The following SLC2A8 variants were observed in gnomAD, a reference collection of about 807,000 sequenced individuals.
SLC2A8 encodes the protein solute carrier family 2, facilitated glucose transporter member 8.
A neutral mutation model predicts 49.2 loss-of-function variants in SLC2A8; 53 were observed. The ratio of observed to expected loss-of-function variants is 1.08; its 90% CI spans 0.86 to 1.35. The LOEUF (loss-of-function observed/expected upper bound fraction) is 1.35, where lower values mean the gene tolerates loss of function less well. Among genes scored for constraint, SLC2A8 ranks in the 40% most tolerant of loss-of-function variants. The pLI is 0.00. For missense variants in SLC2A8, 688 were observed against 671.7 expected (o/e 1.02, Z -0.27); for synonymous variants, 299 against 297.0 (o/e 1.01, Z -0.07).
chr9:127,402,774 G>A, intron 5 of SLC2A8, 21 bp downstream of exon 5: 1 of 1,518,070 alleles, frequency 6.6e-7, no homozygotes, highest in Non-Finnish European at 8.8e-7. Context: ...GGAAGGCAGA[G>A]CTGACAGGAG....
chr9:127,400,166 CTTTTT>C (rs796202714), intron 4 of SLC2A8, among the ~76,000 whole-genome samples, 160 bp downstream of exon 4: 1 of 116,830 alleles, frequency 8.6e-6, no homozygotes, highest in Non-Finnish European at 1.7e-5. Flanking sequence ...ATAGGTGAGT[CTTTTT>C]TTTTTTTTTT....
At chr9:127,397,788 C>A in intron 2 of SLC2A8, 117 bp from the exon 3 acceptor site, 1 of 1,175,208 alleles carries the variant, frequency 8.5e-7, no homozygotes, top group Non-Finnish European at 1.1e-6. Flanking sequence ...CCTACCCCTC[C>A]CCTCGGGACG....
chr9:127,405,099 G>T (rs545902765), intron 8 of SLC2A8, 108 bp downstream of exon 8: 7 of 1,252,346 alleles, frequency 5.6e-6, no homozygotes, highest in African/African-American at 4.5e-5. Context: ...CTCTCCTCTC[G>T]TAAGTTCCAA....
Position 127,398,120 on chromosome 9 carries a change from C to A in SLC2A8, c.426+9C>A. Reference sequence around the variant, plus strand: ...CCTCCCTAGTGGCCCCGGTGAGTGTCCCGTCTCTCGAGTGTCCTGTCTCGC... The same window carrying A: ...CCTCCCTAGTGGCCCCGGTGAGTGTACCGTCTCTCGAGTGTCCTGTCTCGC... On this transcript the variant is annotated intron_variant, in intron 3 of 9. Coordinates refer to ENST00000373371, the MANE Select transcript of SLC2A8 (RefSeq NM_014580.5). 1 of 1,570,572 alleles carries A rather than the reference C, an allele frequency of 6.4e-7. No individual in the cohort carries two copies.
chr9:127,407,171 C>G lies in SLC2A8; in HGVS notation c.1356C>G (p.Val452=). The change falls in exon 10 of 10, where the codon GTC becomes GTG. Residue 452 remains valine (V), a synonymous_variant. Transcript: ENST00000373371. ...WLASAFCIFS[V]LFTLFCVPET... ...CCTCCGCTTTCTGCATCTTCAGTGTCCTTTTCACTTTGTTCTGTGTCCCTG... is the reference window on the plus strand; with the variant it reads ...CCTCCGCTTTCTGCATCTTCAGTGTGCTTTTCACTTTGTTCTGTGTCCCTG... The G allele has an allele frequency of 6.2e-7, 1 of 1,613,714 alleles. No homozygotes were observed. The highest frequency in any genetic ancestry group is 8.5e-7 in the Non-Finnish European group (1 of 1,180,010).
intron 3 of SLC2A8, 86 bp downstream of exon 3, chr9:127,398,197 C>A: frequency 7.1e-7 from 1 of 1,411,542 alleles, no homozygotes; most frequent in Non-Finnish European, 9.9e-7. Context: ...CCTGGGGGCG[C>A]GGCTCCCCCT....
In SLC2A8 at chr9:127,402,566, T is replaced by C. The variant is rs1412379596; in HGVS notation, c.536T>C (p.Leu179Pro). Residue 179 changes from leucine (L) to proline (P), a missense_variant, in exon 5 of 10, where the codon CTG (leucine) becomes CCG (proline). By Grantham distance (98) the Leu-to-Pro change is moderately conservative. Coordinates refer to ENST00000373371, the MANE Select transcript of SLC2A8 (RefSeq NM_014580.5). ...ILLAYLAGWVLEWRWLAVLGC... is the reference protein window; with the variant it reads ...ILLAYLAGWVPEWRWLAVLGC... ...CACCCACCCCCCGCAGGCTGGGTGC[T>C]GGAGTGGCGCTGGCTGGCTGTGCTG... is the stretch of plus-strand genomic sequence containing the variant. 3 of 1,563,308 alleles carry C rather than the reference T, an allele frequency of 1.9e-6. No homozygotes were observed. Among genetic ancestry groups the C allele is most frequent in the South Asian group, 1.2e-5 (1 of 85,282 alleles).
At chr9:127,405,286 C>T (rs1279964063) in intron 8 of SLC2A8, 134 bp from the exon 9 acceptor site, 3 of 1,037,104 alleles carry the variant, frequency 2.9e-6, no homozygotes, top group African/African-American at 3.2e-5. Context: ...AAGCATGGAG[C>T]TGGTGGGACC....
At chr9:127,397,767 C>A in intron 2 of SLC2A8, 138 bp from the exon 3 acceptor site, 1 of 1,055,486 alleles carries the variant, frequency 9.5e-7, no homozygotes, top group Non-Finnish European at 1.3e-6. Context: ...GAGCACCGGG[C>A]CCCTCAGCCC....
intron 5 of SLC2A8, 118 bp downstream of exon 5, chr9:127,402,871 C>A: frequency 8.0e-7 from 1 of 1,254,300 alleles, no homozygotes. Flanking sequence ...CCTATCCACC[C>A]TCCACCCTCA....
chr9:127,407,178 A>T lies in SLC2A8; in HGVS notation c.1363A>T (p.Thr455Ser), dbSNP rs1337353166. Reference sequence around the variant, plus strand: ...TTTCTGCATCTTCAGTGTCCTTTTCACTTTGTTCTGTGTCCCTGAAACTAA... The same window carrying T: ...TTTCTGCATCTTCAGTGTCCTTTTCTCTTTGTTCTGTGTCCCTGAAACTAA... ...SAFCIFSVLF[T>S]LFCVPETKGK... Residue 455 changes from threonine (T) to serine (S), a missense_variant, in exon 10 of 10, where the codon ACT (threonine) becomes TCT (serine). Thr to Ser is a moderately conservative substitution (Grantham distance 58, BLOSUM62 1). Transcript: ENST00000373371. 2.5e-6 allele frequency: 4 copies of T among 1,613,270 alleles called. No individual in the cohort carries two copies. In the East Asian group the frequency reaches 8.9e-5, roughly 36 times the overall value.
chr9:127,398,955 CG>C (rs1266808817), intron 3 of SLC2A8, among the ~76,000 whole-genome samples: 4 of 152,232 alleles, frequency 2.6e-5, no homozygotes, highest in African/African-American at 9.6e-5. Flanking sequence ...GTTTGCTAAC[CG>C]GCAGCAGCAG....
intron 1 of SLC2A8, 35 bp downstream of exon 1, chr9:127,397,321 TC>T (rs1833060158): frequency 1.4e-6 from 2 of 1,380,362 alleles, no homozygotes; most frequent in Admixed American, 3.9e-5. Flanking sequence ...GGATGCGGCC[TC>T]GCCCTCCCGC....
At chr9:127,401,411 G>A (rs537211299) in intron 4 of SLC2A8, among the ~76,000 whole-genome samples, 9 of 152,232 alleles carry the variant, frequency 5.9e-5, no homozygotes, top group East Asian at 3.8e-4. Context: ...CCTCTGCATC[G>A]TCAGGGCGGA....
chr9:127,399,939 C>T lies in SLC2A8; in HGVS notation c.459C>T (p.Val153=). The T allele has an allele frequency of 1.2e-6, 2 of 1,613,846 alleles. No individual in the cohort carries two copies. ...TCTCCGAAATCGCCTACCCAGCAGT[C>T]CGGGGGTTGCTCGGCTCCTGTGTGC... The part of the protein sequence containing the change: ...VYISEIAYPA[V]RGLLGSCVQL... Residue 153 remains valine (V), a synonymous_variant, in exon 4 of 10, where the codon GTC becomes GTT. Transcript: ENST00000373371. This position sits in a 1 kb window ranked among gnomAD's most constrained non-coding sequence, Gnocchi z 4.2.
At chr9:127,401,016 A>T (rs888049111) in intron 4 of SLC2A8, among the ~76,000 whole-genome samples, 11 of 152,140 alleles carry the variant, frequency 7.2e-5, no homozygotes, top group Admixed American at 4.6e-4. Context: ...AATTGCTTGA[A>T]CCCAGAAGGC....
At position 127,397,174 on chromosome 9, in the gene SLC2A8, C is replaced by A. The variant is rs922817095; in HGVS notation, c.-57C>A. On this transcript the variant is annotated 5_prime_UTR_variant, in exon 1 of 10. Transcript: ENST00000373371. ...GCGAGAGGCCGGTGCGGGCCGCACT[C>A]GCAGGGCCCGTGGCGGTTCAGGCGC... 3 of 1,423,560 alleles carry A rather than the reference C, an allele frequency of 2.1e-6. No homozygotes were observed. In the Admixed American group the frequency reaches 9.4e-5, roughly 45 times the overall value. 88.2% of individuals were successfully genotyped at this position (1,423,560 alleles called of 1,614,324 possible). A position where few individuals can be genotyped will look rare whatever the true frequency, so the allele number is the denominator to read the frequency against.
rs1476689468 is a variant in SLC2A8 at position 127,399,376 on chromosome 9, C to T, written c.427-531C>T. 2.0e-5 allele frequency among the ~76,000 whole-genome samples: 3 copies of T among 152,236 alleles called. No individual in the cohort carries two copies. Among genetic ancestry groups the T allele is most frequent in the Non-Finnish European group, 2.9e-5 (2 of 68,028 alleles). Reference sequence around the variant, plus strand: ...CATCATATGCAGCCCTCTCCGTTACCCTTAATCCCCTTTAAACACCTGCCA... The same window carrying T: ...CATCATATGCAGCCCTCTCCGTTACTCTTAATCCCCTTTAAACACCTGCCA... On this transcript the variant is annotated intron_variant, in intron 3 of 9. Coordinates refer to ENST00000373371, the MANE Select transcript of SLC2A8 (RefSeq NM_014580.5). This position sits in a 1 kb window ranked among gnomAD's most constrained non-coding sequence, Gnocchi z 4.2.
chr9:127,399,982 G>A lies in SLC2A8; in HGVS notation c.502G>A (p.Gly168Ser), dbSNP rs759284880. The part of the protein sequence containing the change: ...GSCVQLMVVV[G>S]ILLAYLAGWV... ...CTGTGTGCAGCTAATGGTCGTCGTC[G>A]GCATCCTCCTGGCCTACCTGGCAGG... The change falls in exon 4 of 10, where the codon GGC (glycine) becomes AGC (serine). Residue 168 changes from glycine (G) to serine (S), a missense_variant. Coordinates refer to ENST00000373371, the MANE Select transcript of SLC2A8 (RefSeq NM_014580.5). The surrounding 1 kb of genome is among the most constrained non-coding windows in gnomAD (Gnocchi z 4.2). The A allele has an allele frequency of 1.4e-5, 22 of 1,613,490 alleles. No homozygotes were observed. Among genetic ancestry groups the A allele is most frequent in the African/African-American group, 5.3e-5 (4 of 74,838 alleles).
Sources: gnomAD v4.1 joint callset for allele counts (sites outside exome capture counted in the v4.1 genomes callset) on GRCh38, gnomAD v4.1.1 for gene constraint, Gnocchi (gnomAD v3.1) non-coding constraint, MANE v1.5 for transcripts, NCBI Gene and HGNC (gene_info 2026-07-23, HGNC 2026-07-21) for gene names.